Variants in SOBP observed in about 807,000 individuals in gnomAD.
SOBP encodes sine oculis binding protein homolog.
Under a neutral mutation model 53.6 loss-of-function variants are expected in SOBP, and 4 were observed. The ratio of observed to expected loss-of-function variants is 0.07; its 90% CI spans 0.04 to 0.17. The LOEUF (loss-of-function observed/expected upper bound fraction) is 0.17. SOBP is among the 10% of genes least tolerant of loss of function. The pLI is 1.00. For missense variants in SOBP, 1,088 were observed against 1,204.7 expected, an observed-to-expected ratio of 0.90 and a Z score of 1.43; for synonymous variants, 584 against 522.6, an observed-to-expected ratio of 1.12 and a Z score of -1.60.
intron 5 of SOBP, among the ~76,000 whole-genome samples, chr6:107,594,757 G>A (rs920642553): frequency 6.6e-6 from 1 of 152,110 alleles, no homozygotes; most frequent in African/African-American, 2.4e-5. Context: ...CCCTTTTAAG[G>A]CCCTTTATTC....
At chr6:107,509,966 ATACAAAAAGATTCTC>A (rs1256864560) in intron 3 of SOBP, 1 of 152,220 alleles carries the variant, frequency 6.6e-6, no homozygotes, top group Non-Finnish European at 1.5e-5. Context: ...CAAGACAAAG[ATACAAAAAGATTCTC>A]TACTTTTAAG....
intron 1 of SOBP, among the ~76,000 whole-genome samples, chr6:107,499,533 T>A (rs967132376): frequency 1.3e-5 from 2 of 152,286 alleles, no homozygotes; most frequent in East Asian, 3.9e-4. Flanking sequence ...GTCTGCAAAA[T>A]GTAGTTCAGA....
chr6:107,558,471 T>C (rs1201022829), intron 4 of SOBP, among the ~76,000 whole-genome samples: 1 of 151,948 alleles, frequency 6.6e-6, no homozygotes, highest in African/African-American at 2.4e-5. Flanking sequence ...GGTTTCACCA[T>C]GTTGGCCAGG....
At chr6:107,582,935 G>C (rs1785448236) in intron 4 of SOBP, among the ~76,000 whole-genome samples, 1 of 152,216 alleles carries the variant, frequency 6.6e-6, no homozygotes, top group South Asian at 2.1e-4. Context: ...AAGTTGGTCT[G>C]CTTTATGTTG....
intron 5 of SOBP, among the ~76,000 whole-genome samples, chr6:107,592,931 G>T (rs1785809721): frequency 6.6e-6 from 1 of 152,200 alleles, no homozygotes; most frequent in Non-Finnish European, 1.5e-5. Flanking sequence ...TCTGATAGAG[G>T]TGGCATAATT....
At chr6:107,655,736 CTTA>C (rs1190975407) in intron 6 of SOBP, among the ~76,000 whole-genome samples, 4 of 152,140 alleles carry the variant, frequency 2.6e-5, no homozygotes, top group Admixed American at 6.5e-5. Flanking sequence ...CAGAATGGCT[CTTA>C]TTATAATCCC....
chr6:107,512,478 A>G (rs1056126790), intron 3 of SOBP, among the ~76,000 whole-genome samples: 4 of 152,230 alleles, frequency 2.6e-5, no homozygotes, highest in Non-Finnish European at 5.9e-5. Context: ...GAGGTAAAGC[A>G]CTCAGAAGGG....
Position 107,634,105 on chromosome 6 carries a change from A to G in SOBP, c.1261A>G (p.Asn421Asp). The G allele has an allele frequency of 1.9e-6, 3 of 1,602,958 alleles. No individual in the cohort carries two copies. The highest frequency in any genetic ancestry group is 1.7e-5 in the Admixed American group (1 of 59,366). ...FIRGPPHHAS[N>D]PNSPLSNPML... The stretch of plus-strand genomic sequence containing the variant: ...CCGCGGGCCTCCGCACCATGCCTCC[A>G]ACCCCAACAGCCCCCTGTCCAACCC... The change falls in exon 6 of 7, where the codon AAC (asparagine) becomes GAC (aspartate). Residue 421 changes from asparagine (N) to aspartate (D), a missense_variant. Asn to Asp is a conservative substitution (Grantham distance 23, BLOSUM62 1). Around this residue, in one of 6 missense-constraint regions of SOBP, gnomAD observed 211 missense variants for 258.9 expected, o/e 0.82. Coordinates refer to ENST00000317357, the MANE Select transcript of SOBP (RefSeq NM_018013.4). This position sits in a 1 kb window ranked among gnomAD's most constrained non-coding sequence, Gnocchi z 4.5.
chr6:107,612,825 A>G (rs1002604632), intron 5 of SOBP, among the ~76,000 whole-genome samples: 1 of 152,158 alleles, frequency 6.6e-6, no homozygotes, highest in African/African-American at 2.4e-5. Flanking sequence ...TCTAGATGTT[A>G]TGTACAAGTG....
intron 5 of SOBP, among the ~76,000 whole-genome samples, chr6:107,624,824 T>C (rs1390759707): frequency 6.6e-6 from 1 of 152,152 alleles, no homozygotes; most frequent in African/African-American, 2.4e-5. Flanking sequence ...ATAGGTTGGG[T>C]TTCACCTGCG....
intron 4 of SOBP, among the ~76,000 whole-genome samples, chr6:107,559,693 C>T (rs1784720159): frequency 6.6e-6 from 1 of 152,182 alleles, no homozygotes; most frequent in South Asian, 2.1e-4. Flanking sequence ...GAGTAATTAT[C>T]TTGTTCTCAG....
chr6:107,631,684 T>G (rs1024113209), intron 5 of SOBP, among the ~76,000 whole-genome samples: 1 of 152,206 alleles, frequency 6.6e-6, no homozygotes, highest in Non-Finnish European at 1.5e-5. Context: ...CTGAAATTTT[T>G]TTTTACCACT....
intron 3 of SOBP, among the ~76,000 whole-genome samples, chr6:107,513,339 G>A (rs1783224373): frequency 6.6e-6 from 1 of 152,140 alleles, no homozygotes; most frequent in Admixed American, 6.5e-5. Context: ...ATAAGAACTG[G>A]ACTCTAAGGA....
At chr6:107,641,155 G>A (rs1363131844) in intron 6 of SOBP, among the ~76,000 whole-genome samples, 2 of 152,216 alleles carry the variant, frequency 1.3e-5, no homozygotes, top group Non-Finnish European at 2.9e-5. Flanking sequence ...CTCTGAGGAA[G>A]CTGAATTAAT....
At chr6:107,658,053 G>A (rs978563620) in intron 6 of SOBP, among the ~76,000 whole-genome samples, 154 bp from the exon 7 acceptor site, 2 of 152,162 alleles carry the variant, frequency 1.3e-5, no homozygotes, top group African/African-American at 4.8e-5. Context: ...TTGAAATCAC[G>A]CTGTGCTGCA....
At chr6:107,563,002 A>C (rs1429483057) in intron 4 of SOBP, among the ~76,000 whole-genome samples, 1 of 152,192 alleles carries the variant, frequency 6.6e-6, no homozygotes, top group African/African-American at 2.4e-5. Flanking sequence ...TTTTGAGAGT[A>C]ATAAAATGGT....
chr6:107,570,326 C>T (rs1474561049), intron 4 of SOBP, among the ~76,000 whole-genome samples: 2 of 152,212 alleles, frequency 1.3e-5, no homozygotes, highest in Non-Finnish European at 2.9e-5. Context: ...GTACTTTTCA[C>T]TCACCTCTTT....
chr6:107,507,463 G>A (rs191432475), intron 3 of SOBP, among the ~76,000 whole-genome samples: 6 of 151,900 alleles, frequency 3.9e-5, no homozygotes, highest in South Asian at 2.1e-4. Context: ...TCACCACCAC[G>A]CCTGGCTAAT....
chr6:107,619,030 C>T (rs80355265), intron 5 of SOBP, among the ~76,000 whole-genome samples: 6 of 152,102 alleles, frequency 3.9e-5, no homozygotes, highest in Admixed American at 2.6e-4. Flanking sequence ...CACAAGGGGA[C>T]GAGTAACGTT....
Sources: allele counts gnomAD v4.1 joint callset (sites outside exome capture counted in the v4.1 genomes callset), GRCh38; gene constraint gnomAD v4.1.1; regional missense constraint gnomAD v4.1.1; non-coding constraint Gnocchi (gnomAD v3.1); transcripts MANE v1.5; gene names NCBI Gene and HGNC (gene_info 2026-07-23, HGNC 2026-07-21).